Variants in PCDH7 observed in about 807,000 individuals in gnomAD.
PCDH7 encodes protocadherin-7.
Under a neutral mutation model 58.9 loss-of-function variants are expected in PCDH7, and 17 were observed. The ratio of observed to expected loss-of-function variants is 0.29; its 90% confidence interval spans 0.20 to 0.43. The LOEUF (loss-of-function observed/expected upper bound fraction) is 0.43, where lower values mean the gene tolerates loss of function less well. PCDH7 is among the 20% of genes least tolerant of loss of function. The pLI, the probability that PCDH7 is intolerant of heterozygous loss-of-function variation, is 1.00. For missense variants in PCDH7, 1,274 were observed against 1,441.0 expected, an observed-to-expected ratio of 0.88 and a Z score of 1.88; for synonymous variants, 664 against 616.4, an observed-to-expected ratio of 1.08 and a Z score of -1.14.
chr4:30,915,920 G>T (rs1366220690), intron 1 of PCDH7, among the ~76,000 whole-genome samples: 1 of 152,048 alleles, frequency 6.6e-6, no homozygotes, highest in East Asian at 1.9e-4. Context: ...TTCTTTTAGA[G>T]ATCTCAACCA....
chr4:31,106,049 T>C (rs1286284088), intron 3 of PCDH7, among the ~76,000 whole-genome samples: 3 of 151,394 alleles, frequency 2.0e-5, no homozygotes, highest in African/African-American at 7.3e-5. Flanking sequence ...TATATATACT[T>C]TTAAAACTTC....
At chr4:31,056,580 G>A (rs958035143) in intron 3 of PCDH7, among the ~76,000 whole-genome samples, 2 of 148,564 alleles carry the variant, frequency 1.3e-5, no homozygotes, top group African/African-American at 2.5e-5. Context: ...AAGAGAGGAA[G>A]GGAAGGGAGG....
chr4:30,843,117 G>A (rs1731434270), intron 1 of PCDH7, among the ~76,000 whole-genome samples: 1 of 150,902 alleles, frequency 6.6e-6, no homozygotes, highest in African/African-American at 2.4e-5. Context: ...ATAAGTGTCA[G>A]TTGAGCTATA....
rs1751707742 is a variant in PCDH7, at chr4:30,994,446, TC to T, written c.*7+44232del. Among the ~76,000 whole-genome samples the T allele has an allele frequency of 1.3e-5, 2 of 152,230 alleles. 1 individual carries two copies. Among genetic ancestry groups the T allele is most frequent in the South Asian group, 4.1e-4 (2 of 4,830 alleles). The stretch of plus-strand genomic sequence containing the variant: ...GAAAAAAAGCAAATTCATTTTATCT[TC>T]GTTCTGTACCACAAAAATCAGAGTC... On this transcript the variant is annotated intron_variant, in intron 3 of 3. Coordinates refer to the PCDH7 transcript ENST00000509759.
At position 30,722,681 on chromosome 4, in the gene PCDH7, T is replaced by C. The variant is rs1435340587; in HGVS notation, c.1259T>C (p.Ile420Thr). The C allele has an allele frequency of 6.2e-7, 1 of 1,613,588 alleles. No homozygotes were observed. The highest frequency in any genetic ancestry group is 8.5e-7 in the Non-Finnish European group (1 of 1,180,030). ...GTGCCGTCCATTGAAATCCGCAAGA[T>C]TGGGCGCATCCCCCTCAAGGACGGG... The change falls in exon 1 of 2, where the codon ATT becomes ACT. Residue 420 changes from isoleucine (I) to threonine (T), a missense_variant. Physicochemically the swap from Ile to Thr is moderately conservative, Grantham distance 89. Coordinates refer to ENST00000361762, the Ensembl canonical transcript of PCDH7. The surrounding 1 kb of genome is among the most constrained non-coding windows in gnomAD (Gnocchi z 7.6).
At chr4:31,077,947 ATTCTGATCCCAGAATT>A (rs1348587339) in intron 3 of PCDH7, among the ~76,000 whole-genome samples, 1 of 152,326 alleles carries the variant, frequency 6.6e-6, no homozygotes, top group East Asian at 1.9e-4. Context: ...TAGGATCAGA[ATTCTGATCCCAGAATT>A]TACTGGGTTA....
At chr4:31,121,085 C>T (rs184597757) in intron 3 of PCDH7, among the ~76,000 whole-genome samples, 3 of 152,104 alleles carry the variant, frequency 2.0e-5, no homozygotes, top group Non-Finnish European at 4.4e-5. Flanking sequence ...CGCTGGTGTG[C>T]TGGATGTAAT....
chr4:30,962,930 A>G (rs1162763360), intron 3 of PCDH7, among the ~76,000 whole-genome samples: 1 of 152,128 alleles, frequency 6.6e-6, no homozygotes, highest in African/African-American at 2.4e-5. Context: ...AAGTGGCAAC[A>G]TCTCAACTGG....
chr4:31,132,425 C>G (rs1719105057), intron 3 of PCDH7, among the ~76,000 whole-genome samples: 1 of 152,016 alleles, frequency 6.6e-6, no homozygotes, highest in African/African-American at 2.4e-5. Flanking sequence ...AGTAAACATC[C>G]ATTCCTGAAG....
chr4:30,958,143 G>GT lies in PCDH7; in HGVS notation c.*7+7934dup, dbSNP rs1247225255. On this transcript the variant is annotated intron_variant, in intron 3 of 3. Coordinates refer to the PCDH7 transcript ENST00000509759. ...AGAATCAGTGAGGAAGGAGGTTACA[G>GT]TTTTTTAAAAATACTCTTAACTTTT... Among the ~76,000 whole-genome samples the GT allele has an allele frequency of 2.3e-4, 35 of 152,006 alleles. 1 individual carries two copies. Among genetic ancestry groups the GT allele is most frequent in the South Asian group, 1.2e-3 (6 of 4,832 alleles).
intron 1 of PCDH7, among the ~76,000 whole-genome samples, chr4:30,846,679 G>T (rs1289426969): frequency 6.6e-6 from 1 of 152,056 alleles, no homozygotes; most frequent in Non-Finnish European, 1.5e-5. Flanking sequence ...TCCAGACATT[G>T]TCAAATATCA....
chr4:30,901,409 A>G (rs2109394670), intron 1 of PCDH7, among the ~76,000 whole-genome samples: 1 of 152,268 alleles, frequency 6.6e-6, no homozygotes, highest in East Asian at 1.9e-4. Flanking sequence ...ATGATTTCCC[A>G]TTTTATTTTA....
At chr4:30,728,574 G>T (rs888340756) in intron 1 of PCDH7, among the ~76,000 whole-genome samples, 2 of 151,628 alleles carry the variant, frequency 1.3e-5, no homozygotes, top group African/African-American at 4.8e-5. Context: ...ACACTATCTG[G>T]ATCTCTGGAT....
chr4:30,947,291 A>G (rs1484659043), intron 2 of PCDH7, among the ~76,000 whole-genome samples: 1 of 151,936 alleles, frequency 6.6e-6, no homozygotes, highest in African/African-American at 2.4e-5. Flanking sequence ...TCGTTTTGGG[A>G]AAAAAAACTT....
chr4:31,098,093 T>C (rs1450765109), intron 3 of PCDH7, among the ~76,000 whole-genome samples: 2 of 152,202 alleles, frequency 1.3e-5, no homozygotes, highest in Non-Finnish European at 2.9e-5. Context: ...TGCTTGTTTA[T>C]TCACTCAGAG....
At chr4:30,969,153 T>C (rs1395806294) in intron 3 of PCDH7, among the ~76,000 whole-genome samples, 6 of 152,198 alleles carry the variant, frequency 3.9e-5, no homozygotes, top group South Asian at 2.1e-4. Context: ...CTAGACTTAC[T>C]GGTTATTTGC....
chr4:30,989,533 T>G (rs1171828403), intron 3 of PCDH7, among the ~76,000 whole-genome samples: 2 of 152,158 alleles, frequency 1.3e-5, no homozygotes, highest in Non-Finnish European at 2.9e-5. Flanking sequence ...ATTAACCTTT[T>G]ACAGGTGCCG....
At chr4:30,742,245 A>C (rs1294729738) in intron 1 of PCDH7, among the ~76,000 whole-genome samples, 1 of 152,184 alleles carries the variant, frequency 6.6e-6, no homozygotes, top group Non-Finnish European at 1.5e-5. Flanking sequence ...GCAAATAATC[A>C]TGTAACTGCA....
chr4:30,827,582 A>G (rs1455980240), intron 1 of PCDH7, among the ~76,000 whole-genome samples: 2 of 152,194 alleles, frequency 1.3e-5, no homozygotes, highest in Non-Finnish European at 2.9e-5. Context: ...TATTTGTGTC[A>G]TTAAGCATGA....
Sources: gnomAD v4.1 joint callset for allele counts (sites outside exome capture counted in the v4.1 genomes callset) on GRCh38, gnomAD v4.1.1 for gene constraint, Gnocchi (gnomAD v3.1) non-coding constraint, MANE v1.5 for transcripts, NCBI Gene and HGNC (gene_info 2026-07-23, HGNC 2026-07-21) for gene names.